The following EMG1 variants were observed in gnomAD, a reference collection of about 807,000 sequenced individuals.
The protein encoded by EMG1 is EMG1 N1-specific pseudouridine methyltransferase, also known as ribosomal RNA small subunit methyltransferase NEP1.
EMG1 carries 24 observed loss-of-function variants against 26.9 expected under a neutral mutation model. The observed-to-expected ratio is 0.89, with a 90% CI of 0.65 to 1.26. The LOEUF is 1.26. EMG1 is among the 50% of genes most tolerant of loss of function. The pLI, the probability that EMG1 is intolerant of heterozygous loss-of-function variation, is 0.00. For synonymous variants in EMG1, 140 were observed against 112.6 expected, an observed-to-expected ratio of 1.24 and a Z score of -1.54; for missense variants, 299 against 307.6, an observed-to-expected ratio of 0.97 and a Z score of 0.21.
At position 6,988,108 on chromosome 12, in the gene EMG1, A is replaced by C. The variant is rs79509260; in HGVS notation, c.*212-60A>C. On this transcript the variant is annotated intron_variant and NMD_transcript_variant, in intron 7 of 7. Transcript: ENST00000261406. ...GCTTGGGTGCTTTCCTTATGGACTTAGGCCTGGTAACATCTGTTCTGGCCA... is the reference window on the plus strand; with the variant it reads ...GCTTGGGTGCTTTCCTTATGGACTTCGGCCTGGTAACATCTGTTCTGGCCA... 3.0e-3 allele frequency: 848 copies of C among 282,180 alleles called. 38 individuals carry two copies. In the East Asian group the frequency reaches 0.049, roughly 16 times the overall value. 17.5% of individuals were successfully genotyped at this position (282,180 alleles called of 1,614,324 possible).
At chr12:6,980,519 T>A (rs781823654), downstream of EMG1, among the ~76,000 whole-genome samples, 14 of 151,640 alleles carry the variant, frequency 9.2e-5, no homozygotes, top group African/African-American at 2.7e-4. Context: ...CTATGTCTGA[T>A]AATTTTTGTA....
Position 6,977,766 on chromosome 12 carries a change from G to A in EMG1, c.*1957G>A. The stretch of plus-strand genomic sequence containing the variant: ...TGTAGCTGGAGAAAAGGGTGGGTGG[G>A]GCGACCCTCAAACTGACTGGTCCTT... On this transcript the variant is annotated 3_prime_UTR_variant, in exon 6 of 6. Coordinates refer to ENST00000599672, the MANE Select transcript of EMG1 (RefSeq NM_006331.8). The surrounding 1 kb of genome is among the most constrained non-coding windows in gnomAD (Gnocchi z 4.5). 1 of 1,613,584 alleles carries A rather than the reference G, an allele frequency of 6.2e-7. No homozygotes were observed. The highest frequency in any genetic ancestry group is 8.5e-7 in the Non-Finnish European group (1 of 1,179,894).
Position 6,979,698 on chromosome 12 carries a change from G to A in EMG1, c.*3889G>A, listed in dbSNP as rs1946449766. ...TGTGGTTGTCTACCTGGAATGGGAT[G>A]AGAAGCTCTGCTGCCCAAAGTGTTT... On this transcript the variant is annotated 3_prime_UTR_variant, in exon 6 of 6. Coordinates refer to ENST00000599672, the MANE Select transcript of EMG1 (RefSeq NM_006331.8). 2 of 689,546 alleles carry A rather than the reference G, an allele frequency of 2.9e-6. No homozygotes were observed. The highest frequency in any genetic ancestry group is 5.4e-5 in the East Asian group (2 of 37,152). 42.7% of individuals were successfully genotyped at this position (689,546 alleles called of 1,614,324 possible).
Position 6,979,128 on chromosome 12 carries a change from C to T in EMG1, c.*3319C>T, listed in dbSNP as rs190529389. The T allele has an allele frequency of 2.7e-5, 9 of 336,306 alleles. No individual in the cohort carries two copies. The East Asian group carries it at 4.3e-4, about 16-fold the overall frequency. 20.8% of individuals were successfully genotyped at this position (336,306 alleles called of 1,614,324 possible). A position where few individuals can be genotyped will look rare whatever the true frequency, so the allele number is the denominator to read the frequency against. ...TTGGTTTCTGAATTCCCTAGAAGTG[C>T]CCAAATGTATCAGTCAAGAGAAGAA... On this transcript the variant is annotated 3_prime_UTR_variant, in exon 6 of 6. Transcript: ENST00000599672.
downstream of EMG1, chr12:6,981,516 G>T: frequency 2.1e-6 from 3 of 1,400,814 alleles, no homozygotes; most frequent in Non-Finnish European, 3.0e-6. Flanking sequence ...TCTGGAATTT[G>T]GGTTCAGTCT....
At chr12:6,994,070 CAA>C (rs1946613425) in intron 7 of EMG1, among the ~76,000 whole-genome samples, 1 of 152,248 alleles carries the variant, frequency 6.6e-6, no homozygotes, top group South Asian at 2.1e-4. Context: ...CTCCTGGCCT[CAA>C]ATGATCCTCC....
In EMG1 at chr12:6,977,772, C is replaced by T. The variant is rs1946424554; in HGVS notation, c.*1963C>T. On this transcript the variant is annotated 3_prime_UTR_variant, in exon 6 of 6. Transcript: ENST00000599672. The surrounding 1 kb of genome is among the most constrained non-coding windows in gnomAD (Gnocchi z 4.5). ...TGGAGAAAAGGGTGGGTGGGGCGACCCTCAAACTGACTGGTCCTTGCATCC... is the reference window on the plus strand; with the variant it reads ...TGGAGAAAAGGGTGGGTGGGGCGACTCTCAAACTGACTGGTCCTTGCATCC... The T allele has an allele frequency of 9.3e-6, 15 of 1,613,102 alleles. No homozygotes were observed. In the East Asian group the frequency reaches 3.3e-4, roughly 36 times the overall value.
chr12:6,993,271 C>G (rs1366013249), intron 7 of EMG1, among the ~76,000 whole-genome samples: 1 of 151,968 alleles, frequency 6.6e-6, no homozygotes, highest in Non-Finnish European at 1.5e-5. Context: ...AACCCTGTCT[C>G]TACTAACAAA....
In EMG1 at chr12:6,987,035, C is replaced by A. The variant is rs922250819; in HGVS notation, c.*155-747C>A. On this transcript the variant is annotated intron_variant and NMD_transcript_variant, in intron 6 of 7. Transcript: ENST00000261406. The surrounding 1 kb of genome is among the most constrained non-coding windows in gnomAD (Gnocchi z 4.1). The stretch of plus-strand genomic sequence containing the variant: ...AGCTGAGGCAGGAGAATTGCTTGAA[C>A]CCAGGAGGCGGAGGTGGCAGTGAGC... Among the ~76,000 whole-genome samples the A allele has an allele frequency of 2.0e-5, 3 of 152,004 alleles. No homozygotes were observed. The highest frequency in any genetic ancestry group is 2.0e-4 in the Admixed American group (3 of 15,252).
chr12:6,972,066 CTTT>C (rs11292192), intron 1 of EMG1, among the ~76,000 whole-genome samples: 7 of 124,692 alleles, frequency 5.6e-5, no homozygotes, highest in Admixed American at 8.5e-5. Flanking sequence ...TCTAAATACA[CTTT>C]TTTTTTTTTT....
chr12:6,977,348 C>G lies in EMG1; in HGVS notation c.*1539C>G. The G allele has an allele frequency of 6.2e-7, 1 of 1,614,070 alleles. No homozygotes were observed. Among genetic ancestry groups the G allele is most frequent in the Non-Finnish European group, 8.5e-7 (1 of 1,179,920 alleles). ...TTGCAGTGAGTCCCTCCCAGTCTCA[C>G]AAGCAGGCCTTCACTTGCCTTAAGC... On this transcript the variant is annotated 3_prime_UTR_variant, in exon 6 of 6. Coordinates refer to ENST00000599672, the MANE Select transcript of EMG1 (RefSeq NM_006331.8). The surrounding 1 kb of genome is among the most constrained non-coding windows in gnomAD (Gnocchi z 4.5).
At chr12:6,984,688 G>T (rs1372067935), downstream of EMG1, among the ~76,000 whole-genome samples, 1 of 152,192 alleles carries the variant, frequency 6.6e-6, no homozygotes, top group Admixed American at 6.5e-5. Flanking sequence ...CTGGGCTCAA[G>T]TGATCCTCCA....
intron 6 of EMG1, among the ~76,000 whole-genome samples, chr12:6,985,597 C>A (rs1946516039): frequency 6.6e-6 from 1 of 151,000 alleles, no homozygotes; most frequent in Non-Finnish European, 1.5e-5. Context: ...TGCCTGTAAT[C>A]CCAGCTACTC....
rs1555152809 is a variant in EMG1 at position 6,974,623 on chromosome 12, G to T, written c.342G>T (p.Lys114Asn). Reference sequence around the variant, plus strand: ...TACAGGTTTATATCCATACACAGAAGAATGTTCTGATTGAAGTGAATCCCC... The same window carrying T: ...TACAGGTTTATATCCATACACAGAATAATGTTCTGATTGAAGTGAATCCCC... ...GLLQVYIHTQ[K>N]NVLIEVNPQT... The change falls in exon 3 of 6, where the codon AAG (lysine) becomes AAT (asparagine). Residue 114 changes from lysine to asparagine, a missense_variant. Lys to Asn is a moderately conservative substitution (Grantham distance 94). Transcript: ENST00000599672. The T allele has an allele frequency of 6.2e-7, 1 of 1,614,022 alleles. No homozygotes were observed. Among genetic ancestry groups the T allele is most frequent in the South Asian group, 1.1e-5 (1 of 91,080 alleles).
rs782605769 is a variant in EMG1 at position 6,978,550 on chromosome 12, A to G, written c.*2741A>G. 3.7e-6 allele frequency: 6 copies of G among 1,612,874 alleles called. No individual in the cohort carries two copies. Among genetic ancestry groups the G allele is most frequent in the Non-Finnish European group, 5.1e-6 (6 of 1,179,140 alleles). On this transcript the variant is annotated 3_prime_UTR_variant, in exon 6 of 6. Transcript: ENST00000599672. ...AGTTAGGGCTCTTGCCACTCCCCATACTGGCCCCCATGGCTTGTCTAAATA... is the reference window on the plus strand; with the variant it reads ...AGTTAGGGCTCTTGCCACTCCCCATGCTGGCCCCCATGGCTTGTCTAAATA...
Position 6,978,183 on chromosome 12 carries a change from A to AG in EMG1, c.*2380dup, listed in dbSNP as rs1239429820. 9 of 670,786 alleles carry AG rather than the reference A, an allele frequency of 1.3e-5. No individual in the cohort carries two copies. The highest frequency in any genetic ancestry group is 9.1e-6 in the Non-Finnish European group (4 of 438,776). The allele number at this position is 670,786 out of a possible 1,614,324, so 41.6% of individuals were successfully genotyped here. A position where few individuals can be genotyped will look rare whatever the true frequency, so the allele number is the denominator to read the frequency against. ...ATATGACAGTAATGGTTTTTTTGGG[A>AG]GGGGGGTATAGGTGGGGGTCAAAGT... On this transcript the variant is annotated 3_prime_UTR_variant, in exon 6 of 6. Transcript: ENST00000599672.
intron 3 of EMG1, 176 bp downstream of exon 3, chr12:6,974,869 C>A: frequency 1.2e-6 from 1 of 818,348 alleles, no homozygotes; most frequent in Non-Finnish European, 2.0e-6. Flanking sequence ...CACTCCTGTT[C>A]TTGCAGTAGC....
chr12:6,981,512 A>G (rs782236174), downstream of EMG1: 1 of 1,373,700 alleles, frequency 7.3e-7, no homozygotes, highest in South Asian at 1.2e-5. Flanking sequence ...CCGCTCTGGA[A>G]TTTGGGTTCA....
At chr12:6,981,773 C>T, downstream of EMG1, 3 of 1,542,106 alleles carry the variant, frequency 1.9e-6, no homozygotes, top group Non-Finnish European at 2.7e-6. Flanking sequence ...GGGGGAGGGA[C>T]CTACATGTAA....
Sources: allele counts gnomAD v4.1 joint callset (sites outside exome capture counted in the v4.1 genomes callset), GRCh38; gene constraint gnomAD v4.1.1; non-coding constraint Gnocchi (gnomAD v3.1); transcripts MANE v1.5; gene names NCBI Gene and HGNC (gene_info 2026-07-23, HGNC 2026-07-21).